ADAM12: variants seen among roughly 807,000 people sequenced by gnomAD.
ADAM12 encodes disintegrin and metalloproteinase domain-containing protein 12.
ADAM12 carries 70 observed loss-of-function variants against 106.4 expected under a neutral mutation model. The observed-to-expected ratio is 0.66, with a 90% CI of 0.54 to 0.80. ADAM12 has a LOEUF of 0.80. ADAM12 is among the 30% of genes least tolerant of loss of function. The pLI, the probability that ADAM12 is intolerant of heterozygous loss-of-function variation, is 0.00. For missense variants in ADAM12, 1,010 were observed against 1,171.9 expected, an observed-to-expected ratio of 0.86 and a Z score of 2.02; for synonymous variants, 420 against 433.5, an observed-to-expected ratio of 0.97 and a Z score of 0.39.
intron 3 of ADAM12, among the ~76,000 whole-genome samples, chr10:126,184,424 G>A (rs559808383): frequency 1.1e-4 from 17 of 152,096 alleles, no homozygotes; most frequent in Admixed American, 5.9e-4. Flanking sequence ...TTAATATGGC[G>A]CAAAGCTTGT....
At chr10:126,222,215 CA>C (rs1958108328) in intron 3 of ADAM12, among the ~76,000 whole-genome samples, 1 of 152,138 alleles carries the variant, frequency 6.6e-6, no homozygotes, top group Non-Finnish European at 1.5e-5. Flanking sequence ...TGGGTTTCTG[CA>C]TAAAGCTTTT....
At chr10:126,243,034 G>A (rs1026531190) in intron 3 of ADAM12, among the ~76,000 whole-genome samples, 2 of 152,240 alleles carry the variant, frequency 1.3e-5, no homozygotes, top group African/African-American at 4.8e-5. Flanking sequence ...AACTAGCAAT[G>A]ACTTCATCCT....
rs1207443506 is a variant in ADAM12, at chr10:126,388,174, C to G, written c.-29G>C. The G allele has an allele frequency of 1.7e-6, 2 of 1,203,852 alleles. No individual in the cohort carries two copies. The highest frequency in any genetic ancestry group is 2.1e-6 in the Non-Finnish European group (2 of 969,938). 74.6% of individuals were successfully genotyped at this position (1,203,852 alleles called of 1,614,324 possible). On this transcript the variant is annotated 5_prime_UTR_variant, in exon 1 of 23. Coordinates refer to ENST00000448723, the MANE Select transcript of ADAM12 (RefSeq NM_001288973.2). This position sits in a 1 kb window ranked among gnomAD's most constrained non-coding sequence, Gnocchi z 4.4. ...CGCCGGCCTTCAGTGCAGCAGCTCT[C>G]GGGCCCGGCGGCGAGCGCTGCACCA...
chr10:126,224,770 A>G (rs2133858448), intron 3 of ADAM12, among the ~76,000 whole-genome samples: 1 of 152,306 alleles, frequency 6.6e-6, no homozygotes, highest in East Asian at 1.9e-4. Flanking sequence ...GTCTGTTGCC[A>G]CCTACAAGTG....
chr10:126,233,944 C>T (rs561449020), intron 3 of ADAM12, among the ~76,000 whole-genome samples: 16 of 152,106 alleles, frequency 1.1e-4, no homozygotes, highest in Middle Eastern at 3.2e-3. Context: ...ATTAAGGAAC[C>T]GGCAATATAT....
rs1954247690 is a variant in ADAM12, at chr10:126,043,981, TGC to T, written c.1996-835_1996-834del. 1.3e-5 allele frequency among the ~76,000 whole-genome samples: 2 copies of T among 152,204 alleles called. No individual in the cohort carries two copies. Among genetic ancestry groups the T allele is most frequent in the Non-Finnish European group, 2.9e-5 (2 of 68,034 alleles). ...ATTCCATGCAGGGGCCAGCAGCCCC[TGC>T]CCACCTGGTTACCAAGGGCTACTGA... is the stretch of plus-strand genomic sequence containing the variant. On this transcript the variant is annotated intron_variant, in intron 17 of 22. Transcript: ENST00000448723. The surrounding 1 kb of genome is among the most constrained non-coding windows in gnomAD (Gnocchi z 4.1).
intron 3 of ADAM12, among the ~76,000 whole-genome samples, chr10:126,161,698 G>C (rs2133742647): frequency 6.6e-6 from 1 of 152,278 alleles, no homozygotes; most frequent in East Asian, 1.9e-4. Context: ...GCTGGATGGA[G>C]GTTTTCTAAG....
chr10:126,308,327 G>C (rs1960937843), intron 2 of ADAM12, among the ~76,000 whole-genome samples: 1 of 152,190 alleles, frequency 6.6e-6, no homozygotes, highest in Non-Finnish European at 1.5e-5. Context: ...TGTGTTTGTT[G>C]CAAGCCCCAT....
At chr10:126,281,076 C>T (rs1388321732) in intron 2 of ADAM12, among the ~76,000 whole-genome samples, 1 of 152,086 alleles carries the variant, frequency 6.6e-6, no homozygotes, top group Non-Finnish European at 1.5e-5. Flanking sequence ...TGCTGACACC[C>T]GGGTTGAACT....
At chr10:126,239,505 CT>C (rs1958482455) in intron 3 of ADAM12, among the ~76,000 whole-genome samples, 1 of 152,170 alleles carries the variant, frequency 6.6e-6, no homozygotes, top group Admixed American at 6.5e-5. Flanking sequence ...CAGCTCAAAG[CT>C]TTTGTTGACA....
At chr10:126,306,174 T>A (rs999375311) in intron 2 of ADAM12, among the ~76,000 whole-genome samples, 19 of 152,138 alleles carry the variant, frequency 1.2e-4, no homozygotes, top group Admixed American at 9.8e-4. Flanking sequence ...CCTGTTTTTT[T>A]AAAATAAACT....
intron 3 of ADAM12, among the ~76,000 whole-genome samples, chr10:126,256,079 A>G (rs1213096213): frequency 3.3e-5 from 5 of 152,190 alleles, no homozygotes; most frequent in East Asian, 1.9e-4. Flanking sequence ...GCTTCTGCAG[A>G]TCACCTGGGA....
At chr10:126,022,810 G>A (rs896211768) in intron 21 of ADAM12, among the ~76,000 whole-genome samples, 4 of 152,104 alleles carry the variant, frequency 2.6e-5, no homozygotes, top group Non-Finnish European at 5.9e-5. Flanking sequence ...TCATTTTTAT[G>A]CCCTCTTAAC....
At chr10:126,030,319 A>T (rs1186684597) in intron 21 of ADAM12, among the ~76,000 whole-genome samples, 1 of 152,116 alleles carries the variant, frequency 6.6e-6, no homozygotes, top group Non-Finnish European at 1.5e-5. Context: ...AAATTTCCAT[A>T]ATCTCTCCTA....
chr10:126,199,975 C>A (rs1032801858), intron 3 of ADAM12, among the ~76,000 whole-genome samples: 2 of 152,172 alleles, frequency 1.3e-5, no homozygotes, highest in African/African-American at 4.8e-5. Flanking sequence ...GGGTCTTCCA[C>A]ACGCACCATG....
intron 1 of ADAM12, among the ~76,000 whole-genome samples, chr10:126,369,825 T>G (rs1045284999): frequency 6.6e-6 from 1 of 152,182 alleles, no homozygotes; most frequent in Non-Finnish European, 1.5e-5. Flanking sequence ...CACTCTCATA[T>G]GTAACCCTGG....
chr10:126,381,492 T>C (rs1271799613), intron 1 of ADAM12, among the ~76,000 whole-genome samples: 1 of 151,994 alleles, frequency 6.6e-6, no homozygotes, highest in Non-Finnish European at 1.5e-5. Context: ...TTAAAAATTA[T>C]ATTTTTTAAA....
chr10:126,144,796 T>C (rs1295967510), intron 4 of ADAM12, among the ~76,000 whole-genome samples: 1 of 152,148 alleles, frequency 6.6e-6, no homozygotes, highest in African/African-American at 2.4e-5. Flanking sequence ...TGCTGTGAAA[T>C]GATCACTGGC....
chr10:126,207,280 C>T lies in ADAM12; in HGVS notation c.261-51975G>A, dbSNP rs115271493. 4.5e-3 allele frequency among the ~76,000 whole-genome samples: 689 copies of T among 152,300 alleles called. 5 individuals are homozygous for T. Among genetic ancestry groups the T allele is most frequent in the African/African-American group, 0.015 (622 of 41,564 alleles). On this transcript the variant is annotated intron_variant, in intron 3 of 22. Coordinates refer to ENST00000448723, the MANE Select transcript of ADAM12 (RefSeq NM_001288973.2). ...GAAAAGGGAAAGGGGTTTACTGTGC[C>T]TCATTGGCAGAATGCAATGGCTCCC...
Sources: gnomAD v4.1 joint callset for allele counts (sites outside exome capture counted in the v4.1 genomes callset) on GRCh38, gnomAD v4.1.1 for gene constraint, Gnocchi (gnomAD v3.1) non-coding constraint, MANE v1.5 for transcripts, NCBI Gene and HGNC (gene_info 2026-07-23, HGNC 2026-07-21) for gene names.